Variants in CFTR observed in about 807,000 individuals in gnomAD.
CFTR encodes CF transmembrane conductance regulator.
In CFTR, 181 loss-of-function variants were observed where a neutral mutation model predicts 171.6. The ratio of observed to expected loss-of-function variants is 1.05; its 90% confidence interval spans 0.93 to 1.19. The LOEUF (loss-of-function observed/expected upper bound fraction) is 1.19, where lower values mean the gene tolerates loss of function less well. CFTR is among the 50% of genes most tolerant of loss of function. The pLI is 0.00. For missense variants in CFTR, 1,968 were observed against 1,734.7 expected (o/e 1.13, Z -2.39); for synonymous variants, 583 against 608.0 (o/e 0.96, Z 0.60).
rs1800135 is a variant in CFTR at position 117,666,937 on chromosome 7, C to T, written c.4272C>T (p.Tyr1424=). The change falls in exon 27 of 27, where the codon TAC becomes TAT. Residue 1424 remains tyrosine, a synonymous_variant. Coordinates refer to ENST00000003084, the MANE Select transcript of CFTR (RefSeq NM_000492.4). ...TAGAAGAGAACAAAGTGCGGCAGTACGATTCCATCCAGAAACTGCTGAACG... is the reference window on the plus strand; with the variant it reads ...TAGAAGAGAACAAAGTGCGGCAGTATGATTCCATCCAGAAACTGCTGAACG... The part of the protein sequence containing the change: ...LVIEENKVRQ[Y]DSIQKLLNER... 12,148 of 1,614,018 alleles carry T rather than the reference C, an allele frequency of 7.5e-3. 67 individuals are homozygous for T. Among genetic ancestry groups the T allele is most frequent in the Non-Finnish European group, 8.3e-3 (9,812 of 1,179,954 alleles).
At chr7:117,611,509 G>A in intron 19 of CFTR, 72 bp from the exon 20 acceptor site, 1 of 945,410 alleles carries the variant, frequency 1.1e-6, no homozygotes, top group Non-Finnish European at 1.7e-6. Context: ...GTCTTTTTCA[G>A]GTACAAGATA....
chr7:117,579,289 AATATATGCAC>A (rs1313793851), intron 11 of CFTR, among the ~76,000 whole-genome samples: 1 of 151,974 alleles, frequency 6.6e-6, no homozygotes, highest in East Asian at 1.9e-4. Context: ...ACCCTCTCCA[AATATATGCAC>A]ATTTAATAAA....
At position 117,614,524 on chromosome 7, in the gene CFTR, G is replaced by C. The variant is rs139520130; in HGVS notation, c.3368-89G>C. On this transcript the variant is annotated intron_variant, in intron 20 of 26. Coordinates refer to ENST00000003084, the MANE Select transcript of CFTR (RefSeq NM_000492.4). ...TAAAATTGAAATGTAAATTTAATGTGATATGTGCCCTAGGAGAAGTGTGAA... is the reference window on the plus strand; with the variant it reads ...TAAAATTGAAATGTAAATTTAATGTCATATGTGCCCTAGGAGAAGTGTGAA... 6.2e-4 allele frequency: 517 copies of C among 830,876 alleles called. 1 individual carries two copies. In the African/African-American group the frequency reaches 7.7e-3, roughly 12 times the overall value. The allele number at this position is 830,876 out of a possible 1,614,324, so 51.5% of individuals were successfully genotyped here.
chr7:117,664,699 A>C lies in CFTR; in HGVS notation c.3975A>C (p.Arg1325Ser). ...TTCTCTAACTGCAGGTTGGGCTCAGATCTGTGATAGAACAGTTTCCTGGGA... is the reference window on the plus strand; with the variant it reads ...TTCTCTAACTGCAGGTTGGGCTCAGCTCTGTGATAGAACAGTTTCCTGGGA... ...IWKVADEVGLRSVIEQFPGKL... is the reference protein window; with the variant it reads ...IWKVADEVGLSSVIEQFPGKL... Residue 1325 changes from arginine to serine, a missense_variant, in exon 25 of 27, where the codon AGA (arginine) becomes AGC (serine). By Grantham distance (110) the Arg-to-Ser change is moderately radical. Transcript: ENST00000003084. 6.2e-7 allele frequency: 1 copy of C among 1,613,918 alleles called. No homozygotes were observed. Among genetic ancestry groups the C allele is most frequent in the South Asian group, 1.1e-5 (1 of 91,080 alleles).
chr7:117,643,669 G>T (rs1431120947), intron 23 of CFTR, among the ~76,000 whole-genome samples: 1 of 152,028 alleles, frequency 6.6e-6, no homozygotes, highest in African/African-American at 2.4e-5. Context: ...TAAAAATAAA[G>T]AAACACTGGA....
In CFTR at chr7:117,627,954, C is replaced by G. The variant is rs551873186; in HGVS notation, c.3717+184C>G. On this transcript the variant is annotated intron_variant, in intron 22 of 26. Transcript: ENST00000003084. ...AATATGAAATTTAATTTGCAGAGTC[C>G]TGAACCTATATAATGGGTTTATTTT... 4.7e-6 allele frequency: 3 copies of G among 633,224 alleles called. No individual in the cohort carries two copies. The African/African-American group carries it at 5.5e-5, about 12-fold the overall frequency. 39.2% of individuals were successfully genotyped at this position (633,224 alleles called of 1,614,324 possible).
intron 3 of CFTR, among the ~76,000 whole-genome samples, chr7:117,509,727 G>A (rs1798485395): frequency 6.6e-6 from 1 of 152,080 alleles, no homozygotes. Flanking sequence ...CAGGCTTTGT[G>A]GTGTTTAAGT....
Position 117,536,646 on chromosome 7 carries a change from T to C in CFTR, c.842T>C (p.Met281Thr), listed in dbSNP as rs397508802. 1.4e-5 allele frequency: 22 copies of C among 1,611,748 alleles called. No individual in the cohort carries two copies. The Admixed American group carries it at 1.8e-4, about 13-fold the overall frequency. ...AAGGCATACTGCTGGGAAGAAGCAA[T>C]GGAAAAAATGATTGAAAACTTAAGA... ...SVKAYCWEEA[M>T]EKMIENLRQT... The change falls in exon 7 of 27, where the codon ATG becomes ACG. Residue 281 changes from methionine to threonine, a missense_variant. By Grantham distance (81) the Met-to-Thr change is moderately conservative. Transcript: ENST00000003084.
chr7:117,501,655 G>A (rs1798328097), intron 1 of CFTR, among the ~76,000 whole-genome samples: 1 of 147,526 alleles, frequency 6.8e-6, no homozygotes, highest in Non-Finnish European at 1.5e-5. Context: ...GCTGAGGCAG[G>A]AGAATTGCTT....
chr7:117,604,682 T>G (rs1792277074), intron 17 of CFTR: 1 of 152,216 alleles, frequency 6.6e-6, no homozygotes, highest in Non-Finnish European at 1.5e-5. Flanking sequence ...AGGAAGATCT[T>G]GATATTTATT....
intron 22 of CFTR, among the ~76,000 whole-genome samples, chr7:117,629,814 T>A (rs1792713875): frequency 6.6e-6 from 1 of 152,240 alleles, no homozygotes; most frequent in South Asian, 2.1e-4. Context: ...TGAGAGCTTA[T>A]CATATCTTAA....
chr7:117,636,357 C>A (rs971864304), intron 22 of CFTR, among the ~76,000 whole-genome samples: 8 of 151,872 alleles, frequency 5.3e-5, no homozygotes, highest in Non-Finnish European at 7.4e-5. Context: ...ACATGATATG[C>A]CTTTGTGTCG....
intron 11 of CFTR, among the ~76,000 whole-genome samples, chr7:117,563,124 G>T (rs1170737651): frequency 2.0e-5 from 3 of 152,146 alleles, no homozygotes; most frequent in East Asian, 1.9e-4. Context: ...ATAGCAGAAA[G>T]AACATAGATT....
At chr7:117,613,058 C>T (rs1228213016) in intron 20 of CFTR, among the ~76,000 whole-genome samples, 1 of 152,066 alleles carries the variant, frequency 6.6e-6, no homozygotes, top group Non-Finnish European at 1.5e-5. Context: ...GTTCTCTCAG[C>T]TAGGGCAGTG....
chr7:117,530,817 T>G, intron 3 of CFTR, 82 bp from the exon 4 acceptor site: 1 of 928,536 alleles, frequency 1.1e-6, no homozygotes, highest in Non-Finnish European at 1.7e-6. Flanking sequence ...CCTCTAAAGA[T>G]GAAAAGTCTT....
At chr7:117,659,631 G>C (rs1793234644) in intron 24 of CFTR, among the ~76,000 whole-genome samples, 1 of 152,162 alleles carries the variant, frequency 6.6e-6, no homozygotes, top group Non-Finnish European at 1.5e-5. Flanking sequence ...GCTATCTCAG[G>C]GTTGTCTGTA....
chr7:117,548,927 T>C, intron 10 of CFTR, 104 bp downstream of exon 10: 1 of 1,486,628 alleles, frequency 6.7e-7, no homozygotes, highest in Middle Eastern at 2.2e-4. Context: ...AATTCTTACA[T>C]GAGCATTAGG....
intron 4 of CFTR, among the ~76,000 whole-genome samples, 165 bp from the exon 5 acceptor site, chr7:117,534,111 T>C (rs540073619): frequency 2.2e-4 from 34 of 152,272 alleles, no homozygotes; most frequent in Admixed American, 7.9e-4. Context: ...GAAAGAAACA[T>C]TTATGAACCT....
At chr7:117,510,744 A>G (rs1425653516) in intron 3 of CFTR, among the ~76,000 whole-genome samples, 4 of 152,222 alleles carry the variant, frequency 2.6e-5, no homozygotes, top group Non-Finnish European at 4.4e-5. Context: ...ACATATCTAT[A>G]GAATTTTTTT....
Sources: allele counts gnomAD v4.1 joint callset (sites outside exome capture counted in the v4.1 genomes callset), GRCh38; gene constraint gnomAD v4.1.1; transcripts MANE v1.5; gene names NCBI Gene and HGNC (gene_info 2026-07-23, HGNC 2026-07-21).